METTL16: variants seen among roughly 807,000 people sequenced by gnomAD.
The protein encoded by METTL16 is methyltransferase 16, RNA N6-adenosine.
A neutral mutation model predicts 57.9 loss-of-function variants in METTL16; 19 were observed. The observed-to-expected ratio is 0.33, with a 90% CI of 0.23 to 0.48. The LOEUF is 0.48. Among genes scored for constraint, METTL16 ranks in the 20% least tolerant of loss-of-function variants. The pLI is 0.99. For missense variants in METTL16, 434 were observed against 691.5 expected (o/e 0.63, Z 4.18); for synonymous variants, 246 against 255.6 (o/e 0.96, Z 0.36).
intron 1 of METTL16, among the ~76,000 whole-genome samples, chr17:2,506,619 G>A (rs1324327154): frequency 5.3e-5 from 8 of 151,908 alleles, no homozygotes; most frequent in East Asian, 3.9e-4. Flanking sequence ...GTGCAGTGGC[G>A]TAATCGCGGC....
rs948438313 is a variant in METTL16 at position 2,418,054 on chromosome 17, G to A, written c.*1916C>T. The A allele has an allele frequency of 1.3e-5, 2 of 152,102 alleles. No individual in the cohort carries two copies. The highest frequency in any genetic ancestry group is 4.8e-5 in the African/African-American group (2 of 41,400). 9.4% of individuals were successfully genotyped at this position (152,102 alleles called of 1,614,324 possible). Reference sequence around the variant, plus strand: ...ATCCACGGTCCTGAATTGAGTCTTGGCTCTGTGTGACCCTGGGTATTGTTT... The same window carrying A: ...ATCCACGGTCCTGAATTGAGTCTTGACTCTGTGTGACCCTGGGTATTGTTT... On this transcript the variant is annotated 3_prime_UTR_variant, in exon 10 of 10. Coordinates refer to ENST00000263092, the MANE Select transcript of METTL16 (RefSeq NM_024086.4).
chr17:2,433,713 A>G (rs1161606682), intron 8 of METTL16, among the ~76,000 whole-genome samples: 1 of 152,230 alleles, frequency 6.6e-6, no homozygotes, highest in East Asian at 1.9e-4. Context: ...AACAAATATT[A>G]TATCCAGTGC....
At chr17:2,492,647 T>C (rs2151576017) in intron 2 of METTL16, among the ~76,000 whole-genome samples, 1 of 151,884 alleles carries the variant, frequency 6.6e-6, no homozygotes, top group Non-Finnish European at 1.5e-5. Flanking sequence ...ATCCCAGCAC[T>C]TTGGGAGGCT....
intron 2 of METTL16, among the ~76,000 whole-genome samples, chr17:2,489,863 G>C (rs1045292282): frequency 6.6e-6 from 1 of 150,684 alleles, no homozygotes; most frequent in Non-Finnish European, 1.5e-5. Context: ...TTTAAGTTTT[G>C]TACTACAGAA....
chr17:2,511,216 C>T (rs948787468), intron 1 of METTL16, among the ~76,000 whole-genome samples: 1 of 42,766 alleles, frequency 2.3e-5, no homozygotes, highest in African/African-American at 5.1e-5. Flanking sequence ...ATGAGGCTTT[C>T]CCTTTTTTTT....
chr17:2,498,230 A>G (rs1446187416), intron 2 of METTL16, among the ~76,000 whole-genome samples: 1 of 144,952 alleles, frequency 6.9e-6, no homozygotes, highest in East Asian at 2.0e-4. Context: ...TGCCCATCAT[A>G]GTGAAACCCC....
At chr17:2,426,030 CAAA>C (rs71375599) in intron 8 of METTL16, among the ~76,000 whole-genome samples, 12 of 93,108 alleles carry the variant, frequency 1.3e-4, no homozygotes, top group Admixed American at 2.6e-4. Context: ...ATGGCTAAGG[CAAA>C]AAAAAAAAAA....
In METTL16 at chr17:2,474,156, C is replaced by G. The variant is rs145980839; in HGVS notation, c.329-492G>C. ...TAATTCACCTAAAATGCTCAAAACT[C>G]AGCTGATTTACTTTGTAAAGAGTCT... On this transcript the variant is annotated intron_variant, in intron 3 of 9. Coordinates refer to ENST00000263092, the MANE Select transcript of METTL16 (RefSeq NM_024086.4). 4.5e-3 allele frequency among the ~76,000 whole-genome samples: 685 copies of G among 152,142 alleles called. 11 individuals carry two copies. The highest frequency in any genetic ancestry group is 0.016 in the African/African-American group (653 of 41,514).
At chr17:2,433,443 A>G (rs549200284) in intron 8 of METTL16, among the ~76,000 whole-genome samples, 1 of 87,682 alleles carries the variant, frequency 1.1e-5, no homozygotes, top group South Asian at 3.7e-4. Context: ...GGATGAATCC[A>G]GTCACTCGCA....
At chr17:2,458,485 G>A (rs1477100017) in intron 6 of METTL16, among the ~76,000 whole-genome samples, 2 of 151,966 alleles carry the variant, frequency 1.3e-5, no homozygotes, top group Admixed American at 6.6e-5. Flanking sequence ...GCCAAGGGGG[G>A]CAGATCATTT....
intron 6 of METTL16, among the ~76,000 whole-genome samples, chr17:2,445,710 C>T (rs1438926554): frequency 2.0e-5 from 3 of 151,434 alleles, no homozygotes; most frequent in African/African-American, 4.9e-5. Flanking sequence ...TGCTTGAACC[C>T]GAGAGGCAGA....
intron 7 of METTL16, among the ~76,000 whole-genome samples, chr17:2,439,531 G>A (rs1262434358): frequency 6.6e-6 from 1 of 152,094 alleles, no homozygotes; most frequent in East Asian, 1.9e-4. Context: ...TGTTCCCCCA[G>A]AGCTAACTGC....
chr17:2,443,284 T>A (rs1340533808), intron 6 of METTL16, among the ~76,000 whole-genome samples: 1 of 152,240 alleles, frequency 6.6e-6, no homozygotes, highest in Non-Finnish European at 1.5e-5. Context: ...GAGAAATAGA[T>A]AACTTGAATA....
At chr17:2,511,300 C>G (rs2067586263) in intron 1 of METTL16, among the ~76,000 whole-genome samples, 1 of 151,656 alleles carries the variant, frequency 6.6e-6, no homozygotes, top group African/African-American at 2.4e-5. Flanking sequence ...CTACCACTCT[C>G]TTGATACACA....
intron 2 of METTL16, among the ~76,000 whole-genome samples, chr17:2,500,343 C>T (rs2067478348): frequency 6.6e-6 from 1 of 151,964 alleles, no homozygotes. Flanking sequence ...GTGGCACAAT[C>T]TCGGCTCACT....
chr17:2,436,718 C>T (rs2066911164), intron 8 of METTL16: 1 of 152,282 alleles, frequency 6.6e-6, no homozygotes, highest in Non-Finnish European at 1.5e-5. Context: ...AATCTCCAGG[C>T]AACAAGAAGC....
chr17:2,457,160 C>T (rs1374188548), intron 6 of METTL16, among the ~76,000 whole-genome samples: 5 of 149,576 alleles, frequency 3.3e-5, no homozygotes, highest in African/African-American at 7.4e-5. Context: ...AGTGAAACCC[C>T]GTCTCTACTA....
chr17:2,478,538 AAT>A (rs1417005912), intron 2 of METTL16, among the ~76,000 whole-genome samples: 1 of 152,228 alleles, frequency 6.6e-6, no homozygotes, highest in Non-Finnish European at 1.5e-5. Context: ...TGTACAATTG[AAT>A]AGTTTCTAGT....
intron 1 of METTL16, among the ~76,000 whole-genome samples, chr17:2,502,686 C>G (rs1182003378): frequency 1.3e-5 from 2 of 150,262 alleles, no homozygotes; most frequent in Non-Finnish European, 3.0e-5. Flanking sequence ...GAAACTCCGT[C>G]TCAAAAAAAA....
Sources: allele counts gnomAD v4.1 joint callset (sites outside exome capture counted in the v4.1 genomes callset), GRCh38; gene constraint gnomAD v4.1.1; transcripts MANE v1.5; gene names NCBI Gene and HGNC (gene_info 2026-07-23, HGNC 2026-07-21).